Variants in SBDS observed in about 807,000 individuals in gnomAD.
The protein encoded by SBDS is ribosome maturation protein SBDS.
Under a neutral mutation model 26.4 loss-of-function variants are expected in SBDS, and 20 were observed. The ratio of observed to expected loss-of-function variants is 0.76; its 90% confidence interval spans 0.53 to 1.10. The LOEUF (loss-of-function observed/expected upper bound fraction) is 1.10, where lower values mean the gene tolerates loss of function less well. Ranked by LOEUF, SBDS falls within the 50% of genes least tolerant of loss-of-function variation. The pLI, the probability that SBDS is intolerant of heterozygous loss-of-function variation, is 0.00. For missense variants in SBDS, 241 were observed against 302.0 expected (o/e 0.80, Z 1.50); for synonymous variants, 95 against 105.1 (o/e 0.90, Z 0.59).
At chr7:66,992,056 A>G (rs1479042689) in intron 3 of SBDS, among the ~76,000 whole-genome samples, 1 of 152,228 alleles carries the variant, frequency 6.6e-6, no homozygotes, top group African/African-American at 2.4e-5. Flanking sequence ...AACATACAAG[A>G]AATTTTATAG....
chr7:66,988,648 G>C, intron 4 of SBDS, 149 bp from the exon 5 acceptor site: 1 of 969,220 alleles, frequency 1.0e-6, no homozygotes, highest in South Asian at 1.4e-5. Context: ...ACAATGGGTA[G>C]GGCGGCACAC....
rs539111398 is a variant in SBDS at position 66,995,524 on chromosome 7, G to C, written c.-107C>G. ...TAACGACCGATCGGCGCGCGGCACT[G>C]ACCCAACCACCAGTGCGCGGCGCCG... On this transcript the variant is annotated 5_prime_UTR_variant, in exon 1 of 5. Coordinates refer to ENST00000246868, the MANE Select transcript of SBDS (RefSeq NM_016038.4). 2 of 1,544,872 alleles carry C rather than the reference G, an allele frequency of 1.3e-6. No homozygotes were observed. Among genetic ancestry groups the C allele is most frequent in the African/African-American group, 2.7e-5 (2 of 73,386 alleles).
chr7:66,993,145 A>G, intron 3 of SBDS, 72 bp downstream of exon 3: 2 of 1,382,236 alleles, frequency 1.4e-6, no homozygotes, highest in East Asian at 4.6e-5. Context: ...CCCCAGACCC[A>G]TTATTTTAAT....
chr7:66,991,171 A>G lies in SBDS; in HGVS notation c.590T>C (p.Ile197Thr), dbSNP rs1439477966. The change falls in exon 4 of 5, where the codon ATA becomes ACA. Residue 197 changes from isoleucine to threonine, a missense_variant. Physicochemically the swap from Ile to Thr is moderately conservative, Grantham distance 89. Coordinates refer to ENST00000246868, the MANE Select transcript of SBDS (RefSeq NM_016038.4). Reference sequence around the variant, plus strand: ...CTGTTGGCCATAATCTTCACTTTCTATGACCTTGATCAGTGGCTTGAGCTT... The same window carrying G: ...CTGTTGGCCATAATCTTCACTTTCTGTGACCTTGATCAGTGGCTTGAGCTT... ...KEKLKPLIKV[I>T]ESEDYGQQLE... The G allele has an allele frequency of 6.2e-7, 1 of 1,614,030 alleles. No homozygotes were observed. Among genetic ancestry groups the G allele is most frequent in the East Asian group, 2.2e-5 (1 of 44,876 alleles).
chr7:66,994,537 C>A (rs574084539), intron 1 of SBDS, among the ~76,000 whole-genome samples, 196 bp from the exon 2 acceptor site: 1 of 151,412 alleles, frequency 6.6e-6, no homozygotes, highest in Non-Finnish European at 1.5e-5. Context: ...TGTTTTTGCC[C>A]AGGCTGGAGT....
rs1584434724 is a variant in SBDS at position 66,989,427 on chromosome 7, C to G, written c.625-928G>C. On this transcript the variant is annotated intron_variant, in intron 4 of 4. Coordinates refer to ENST00000246868, the MANE Select transcript of SBDS (RefSeq NM_016038.4). ...GGGCGAGGTGGCACATGCCTGTAAT[C>G]CCAGCTACTCGGGAGGCTGAGGCAG... Among the ~76,000 whole-genome samples, 3 of 151,994 alleles carry G rather than the reference C, an allele frequency of 2.0e-5. 1 individual carries two copies. The highest frequency in any genetic ancestry group is 7.2e-5 in the African/African-American group (3 of 41,478).
At position 66,993,349 on chromosome 7, in the gene SBDS, C is replaced by A. The variant is rs2129232266; in HGVS notation, c.327G>T (p.Arg109Ser). The change falls in exon 3 of 5, where the codon AGG becomes AGT. Residue 109 changes from arginine to serine, a missense_variant. By Grantham distance (110) the Arg-to-Ser change is moderately radical. Coordinates refer to ENST00000246868, the MANE Select transcript of SBDS (RefSeq NM_016038.4). ...ERHTQLEQMF[R>S]DIATIVADKC... Reference sequence around the variant, plus strand: ...TGTCTGCCACAATAGTTGCAATGTCCCTAAACATCTGCTCCAGTTGTGTGT... The same window carrying A: ...TGTCTGCCACAATAGTTGCAATGTCACTAAACATCTGCTCCAGTTGTGTGT... 1 of 1,613,996 alleles carries A rather than the reference C, an allele frequency of 6.2e-7. No individual in the cohort carries two copies. The highest frequency in any genetic ancestry group is 8.5e-7 in the Non-Finnish European group (1 of 1,179,952).
At chr7:66,994,042 C>CA (rs1196661414) in intron 2 of SBDS, among the ~76,000 whole-genome samples, 170 bp downstream of exon 2, 2 of 132,196 alleles carry the variant, frequency 1.5e-5, no homozygotes, top group Admixed American at 7.5e-5. Context: ...AAAAAAACCA[C>CA]AAAAAACAAA....
At chr7:66,994,182 A>G in intron 2 of SBDS, 30 bp downstream of exon 2, 3 of 1,611,790 alleles carry the variant, frequency 1.9e-6, no homozygotes, top group Non-Finnish European at 2.5e-6. Context: ...AATGGTTATT[A>G]GGGTTAGCTA....
At chr7:66,990,591 CTTATT>C (rs1185974360) in intron 4 of SBDS, among the ~76,000 whole-genome samples, 1 of 152,092 alleles carries the variant, frequency 6.6e-6, no homozygotes, top group Non-Finnish European at 1.5e-5. Context: ...TTTTAAGTGG[CTTATT>C]TTAAATAGTT....
chr7:66,993,528 C>T, intron 2 of SBDS, 111 bp from the exon 3 acceptor site: 2 of 844,752 alleles, frequency 2.4e-6, no homozygotes, highest in South Asian at 1.4e-5. Context: ...TAAATTTCAT[C>T]CTCTCCAGCT....
chr7:66,994,133 A>G, intron 2 of SBDS, 79 bp downstream of exon 2: 2 of 1,430,738 alleles, frequency 1.4e-6, no homozygotes, highest in Non-Finnish European at 2.0e-6. Context: ...CTCCAGAAAA[A>G]CAGCCTTTAA....
chr7:66,987,961 AG>A lies in SBDS; in HGVS notation c.*409del, dbSNP rs2129231123. On this transcript the variant is annotated 3_prime_UTR_variant, in exon 5 of 5. Transcript: ENST00000246868. ...CACAAGTTCCATTAAGTAGAAATGA[AG>A]CATCATATGTTTTCTTTTTTAGGAA... 4.0e-6 allele frequency: 1 copy of A among 252,900 alleles called. No homozygotes were observed. Among genetic ancestry groups the A allele is most frequent in the East Asian group, 6.1e-5 (1 of 16,332 alleles). The allele number at this position is 252,900 out of a possible 1,614,324, so 15.7% of individuals were successfully genotyped here. A position where few individuals can be genotyped will look rare whatever the true frequency, so the allele number is the denominator to read the frequency against.
chr7:66,988,063 AG>A lies in SBDS; in HGVS notation c.*307del, dbSNP rs1405061516. 3 of 427,952 alleles carry A rather than the reference AG, an allele frequency of 7.0e-6. No individual in the cohort carries two copies. The highest frequency in any genetic ancestry group is 1.3e-5 in the Non-Finnish European group (3 of 229,734). The allele number at this position is 427,952 out of a possible 1,614,324, so 26.5% of individuals were successfully genotyped here. ...GTACAAATAACTTTTCACCCACAAG[AG>A]CTGCCTCAAGTAACTTTCATTTTGG... On this transcript the variant is annotated 3_prime_UTR_variant, in exon 5 of 5. Transcript: ENST00000246868.
chr7:66,992,330 G>A (rs1672531859), intron 3 of SBDS, among the ~76,000 whole-genome samples: 1 of 152,046 alleles, frequency 6.6e-6, no homozygotes, highest in African/African-American at 2.4e-5. Context: ...GGGAAAATGG[G>A]GGATGGCTAC....
Position 66,995,565 on chromosome 7 carries a change from A to T in SBDS, c.-148T>A. On this transcript the variant is annotated 5_prime_UTR_variant, in exon 1 of 5. Coordinates refer to ENST00000246868, the MANE Select transcript of SBDS (RefSeq NM_016038.4). The stretch of plus-strand genomic sequence containing the variant: ...CGCGGCGCCGCGACTCACTAGCTTC[A>T]GGCAGCCGTCACAGTGTGTCTGGCA... 8.6e-7 allele frequency: 1 copy of T among 1,163,528 alleles called. No homozygotes were observed. 72.1% of individuals were successfully genotyped at this position (1,163,528 alleles called of 1,614,324 possible). A position where few individuals can be genotyped will look rare whatever the true frequency, so the allele number is the denominator to read the frequency against.
At position 66,994,731 on chromosome 7, in the gene SBDS, A is replaced by T. The variant is rs113462861; in HGVS notation, c.129-390T>A. Among the ~76,000 whole-genome samples, 325 of 152,216 alleles carry T rather than the reference A, an allele frequency of 2.1e-3. 2 individuals carry two copies. Among genetic ancestry groups the T allele is most frequent in the African/African-American group, 4.1e-3 (169 of 41,512 alleles). On this transcript the variant is annotated intron_variant, in intron 1 of 4. Transcript: ENST00000246868. ...GCCTCGAACTCCTGGCCTCAAGTGA[A>T]CTGCCCGCATCGGCCTGAGGGAACA...
Position 66,988,373 on chromosome 7 carries a change from A to G in SBDS, c.751T>C (p.Ter251ArgextTer11). The change falls in exon 5 of 5, where the codon TGA becomes CGA. Residue 251 changes from the stop codon to arginine (R), a stop_lost. Transcript: ENST00000246868. Reference sequence around the variant, plus strand: ...AGAGGTGAAGAGATTGATGGGTGTCATTCAAATTTCTCATCTCCTTCTTCT... The same window carrying G: ...AGAGGTGAAGAGATTGATGGGTGTCGTTCAAATTTCTCATCTCCTTCTTCT... ...DVEEGDEKFE* is the reference protein window; with the variant it reads ...DVEEGDEKFER 3 of 1,613,320 alleles carry G rather than the reference A, an allele frequency of 1.9e-6. No homozygotes were observed. Among genetic ancestry groups the G allele is most frequent in the Non-Finnish European group, 2.5e-6 (3 of 1,179,964 alleles).
rs558986372 is a variant in SBDS, at chr7:66,991,208, T to C, written c.553A>G (p.Lys185Glu). The C allele has an allele frequency of 6.2e-7, 1 of 1,614,148 alleles. No homozygotes were observed. The highest frequency in any genetic ancestry group is 1.3e-5 in the African/African-American group (1 of 75,052). ...RFILPVNEGK[K>E]LKEKLKPLIK... ...AGTGGCTTGAGCTTTTCTTTCAGCT[T>C]CTTGCCTTCATTGACTGGAAGGATG... is the stretch of plus-strand genomic sequence containing the variant. The change falls in exon 4 of 5, where the codon AAG (lysine) becomes GAG (glutamate). Residue 185 changes from lysine to glutamate, a missense_variant. Transcript: ENST00000246868.
Sources: gnomAD v4.1 joint callset for allele counts (sites outside exome capture counted in the v4.1 genomes callset) on GRCh38, gnomAD v4.1.1 for gene constraint, MANE v1.5 for transcripts, NCBI Gene and HGNC (gene_info 2026-07-23, HGNC 2026-07-21) for gene names.